The following PPFIA2 variants were observed in gnomAD, a reference collection of about 807,000 sequenced individuals.
PPFIA2 encodes PPFI scaffold protein A2, also known as liprin-alpha-2.
PPFIA2 carries 46 observed loss-of-function variants against 175.5 expected under a neutral mutation model. The observed-to-expected ratio is 0.26, with a 90% confidence interval of 0.21 to 0.34. PPFIA2 has a LOEUF of 0.34. Among genes scored for constraint, PPFIA2 ranks in the 10% least tolerant of loss-of-function variants. The probability of loss-of-function intolerance (pLI) is 1.00; values close to 1 mark genes in which losing one functional copy is unlikely to be tolerated. For missense variants in PPFIA2, 1,179 were observed against 1,506.1 expected (o/e 0.78, Z 3.60); for synonymous variants, 568 against 511.4 (o/e 1.11, Z -1.49).
chr12:81,339,553 G>A (rs2057704952), intron 20 of PPFIA2, among the ~76,000 whole-genome samples: 1 of 151,302 alleles, frequency 6.6e-6, no homozygotes, highest in South Asian at 2.1e-4. Context: ...TTTTTGCTCC[G>A]AATGTCTTTT....
Position 81,277,421 on chromosome 12 carries a change from T to A in PPFIA2, c.3213-7A>T. ...TCCATATTGTAAACTTGTTCTTTTT[T>A]TTTTATTAAAAAAAAAAAAACACAG... On this transcript the variant is annotated splice_polypyrimidine_tract_variant and splice_region_variant and intron_variant, in intron 27 of 32. Transcript: ENST00000549396. The A allele has an allele frequency of 2.7e-6, 4 of 1,496,786 alleles. No homozygotes were observed. The African/African-American group carries it at 4.3e-5, about 16-fold the overall frequency. 92.7% of individuals were successfully genotyped at this position (1,496,786 alleles called of 1,614,324 possible).
At chr12:81,508,379 G>T (rs2061408127) in intron 4 of PPFIA2, among the ~76,000 whole-genome samples, 1 of 151,700 alleles carries the variant, frequency 6.6e-6, no homozygotes, top group Non-Finnish European at 1.5e-5. Context: ...AAATTAGCCT[G>T]GTATGGTGGC....
At chr12:81,542,549 G>A (rs558522915) in intron 4 of PPFIA2, among the ~76,000 whole-genome samples, 1 of 152,220 alleles carries the variant, frequency 6.6e-6, no homozygotes, top group South Asian at 2.1e-4. Context: ...AGTGATCCTA[G>A]AAGTAATGGG....
At chr12:81,298,457 A>C (rs554321276) in intron 23 of PPFIA2, 5 of 152,356 alleles carry the variant, frequency 3.3e-5, no homozygotes, top group African/African-American at 9.6e-5. Flanking sequence ...ATGAAGACGG[A>C]TAATTTTATA....
At chr12:81,460,983 C>G (rs969169398) in intron 4 of PPFIA2, among the ~76,000 whole-genome samples, 1 of 151,990 alleles carries the variant, frequency 6.6e-6, no homozygotes, top group Non-Finnish European at 1.5e-5. Flanking sequence ...CACATTTTCC[C>G]TTCTGATTTG....
In PPFIA2 at chr12:81,304,539, T is replaced by C. The variant is rs561380098; in HGVS notation, c.2643-5157A>G. 4.6e-5 allele frequency among the ~76,000 whole-genome samples: 7 copies of C among 152,290 alleles called. No homozygotes were observed. In the East Asian group the frequency reaches 7.7e-4, roughly 17 times the overall value. ...CAATGCTTATAGTGTTCTGGGAACA[T>C]AGATGTCTATAACGAGGCAACATTT... is the stretch of plus-strand genomic sequence containing the variant. On this transcript the variant is annotated intron_variant, in intron 22 of 32. Coordinates refer to ENST00000549396, the MANE Select transcript of PPFIA2 (RefSeq NM_003625.5).
chr12:81,437,272 T>C (rs118147509), intron 7 of PPFIA2, among the ~76,000 whole-genome samples: 3,333 of 152,214 alleles, frequency 0.022, 64 homozygotes, highest in Non-Finnish European at 0.03. Flanking sequence ...CTGTGTTGCC[T>C]AGGCTGGAGT....
intron 4 of PPFIA2, among the ~76,000 whole-genome samples, chr12:81,674,468 G>A (rs2072053534): frequency 6.6e-6 from 1 of 151,986 alleles, no homozygotes; most frequent in Non-Finnish European, 1.5e-5. Context: ...AGGAGTTCAA[G>A]ACCAGCCTGA....
At chr12:81,697,313 C>G (rs2076006759) in intron 3 of PPFIA2, among the ~76,000 whole-genome samples, 2 of 151,926 alleles carry the variant, frequency 1.3e-5, no homozygotes, top group African/African-American at 2.4e-5. Context: ...TGAGAAATTA[C>G]ATAAATTATG....
At chr12:81,456,665 G>GT (rs983147734) in intron 5 of PPFIA2, among the ~76,000 whole-genome samples, 2 of 152,028 alleles carry the variant, frequency 1.3e-5, no homozygotes, top group African/African-American at 2.4e-5. Context: ...CATAGAAGTG[G>GT]TTTTTTTCTA....
chr12:81,309,844 A>G (rs1445214209), intron 22 of PPFIA2, among the ~76,000 whole-genome samples: 1 of 152,080 alleles, frequency 6.6e-6, no homozygotes, highest in African/African-American at 2.4e-5. Context: ...AAGCCATTAA[A>G]AAGGTATAAA....
chr12:81,369,478 A>T (rs549689707), intron 11 of PPFIA2: 76 of 1,236,896 alleles, frequency 6.1e-5, no homozygotes, highest in Non-Finnish European at 7.8e-5. Context: ...CAAACCTGCC[A>T]TTGTCCAATC....
chr12:81,585,043 T>TA (rs2075100382), intron 4 of PPFIA2, among the ~76,000 whole-genome samples: 1 of 98,422 alleles, frequency 1.0e-5, no homozygotes, highest in African/African-American at 3.7e-5. Context: ...TATTTATATA[T>TA]AATATATTAT....
At chr12:81,393,554 G>A (rs542438860) in intron 8 of PPFIA2, among the ~76,000 whole-genome samples, 26 of 152,112 alleles carry the variant, frequency 1.7e-4, no homozygotes, top group African/African-American at 5.8e-4. Context: ...GAGTGGAGGA[G>A]GAAGATATTT....
chr12:81,722,998 A>G (rs1336290679), intron 3 of PPFIA2, among the ~76,000 whole-genome samples: 1 of 151,116 alleles, frequency 6.6e-6, no homozygotes, highest in Non-Finnish European at 1.5e-5. Flanking sequence ...TTAGCAATAT[A>G]TAACACCAAA....
intron 4 of PPFIA2, among the ~76,000 whole-genome samples, chr12:81,523,161 T>C (rs1228638437): frequency 2.0e-5 from 3 of 152,350 alleles, no homozygotes; most frequent in East Asian, 1.9e-4. Flanking sequence ...ATATACATTA[T>C]AGCCAAGTGC....
At chr12:81,373,821 A>T (rs897412181) in intron 11 of PPFIA2, among the ~76,000 whole-genome samples, 1 of 152,032 alleles carries the variant, frequency 6.6e-6, no homozygotes, top group Non-Finnish European at 1.5e-5. Flanking sequence ...ATACTCACTT[A>T]TTGTAGTGGC....
rs2066539849 is a variant in PPFIA2, at chr12:81,543,594, A to AT, written c.304-85729dup. Among the ~76,000 whole-genome samples the AT allele has an allele frequency of 3.3e-5, 5 of 152,296 alleles. No individual in the cohort carries two copies. In the South Asian group the frequency reaches 1.0e-3, roughly 32 times the overall value. On this transcript the variant is annotated intron_variant, in intron 4 of 32. Transcript: ENST00000549396. The stretch of plus-strand genomic sequence containing the variant: ...ATACTCTTCCTTAAGTAGGTGGAGC[A>AT]TAACTCCCTACTCTTTAAAGGTGGA...
intron 3 of PPFIA2, among the ~76,000 whole-genome samples, chr12:81,742,699 T>C (rs2082470134): frequency 6.6e-6 from 1 of 152,146 alleles, no homozygotes; most frequent in African/African-American, 2.4e-5. Flanking sequence ...TTATCAATAG[T>C]GTCAATAGAG....
Sources: allele counts gnomAD v4.1 joint callset (sites outside exome capture counted in the v4.1 genomes callset), GRCh38; gene constraint gnomAD v4.1.1; transcripts MANE v1.5; gene names NCBI Gene and HGNC (gene_info 2026-07-23, HGNC 2026-07-21).